Variants in SYNDIG1 observed in about 807,000 individuals in gnomAD.
SYNDIG1 encodes the protein synapse differentiation inducing 1.
In SYNDIG1, 9 loss-of-function variants were observed where a neutral mutation model predicts 19.4. The ratio of observed to expected loss-of-function variants is 0.46; its 90% confidence interval spans 0.28 to 0.81. The LOEUF (loss-of-function observed/expected upper bound fraction) is 0.81, where lower values mean the gene tolerates loss of function less well. Among genes scored for constraint, SYNDIG1 ranks in the 30% least tolerant of loss-of-function variants. The pLI is 0.12. For synonymous variants in SYNDIG1, 141 were observed against 145.9 expected (o/e 0.97, Z 0.24); for missense variants, 311 against 343.3 (o/e 0.91, Z 0.74).
intron 3 of SYNDIG1, among the ~76,000 whole-genome samples, chr20:24,590,041 T>G (rs2058481397): frequency 6.6e-6 from 1 of 152,228 alleles, no homozygotes; most frequent in Non-Finnish European, 1.5e-5. Context: ...CCTTGCAATG[T>G]CAGCTTTACT....
intron 3 of SYNDIG1, among the ~76,000 whole-genome samples, chr20:24,599,173 G>T (rs1395253182): frequency 6.6e-6 from 1 of 152,106 alleles, no homozygotes; most frequent in Non-Finnish European, 1.5e-5. Flanking sequence ...TAAAAAGTGG[G>T]CAAAGGATTT....
intron 3 of SYNDIG1, among the ~76,000 whole-genome samples, chr20:24,641,116 C>T (rs1367999218): frequency 1.3e-5 from 2 of 152,244 alleles, no homozygotes; most frequent in Non-Finnish European, 2.9e-5. Flanking sequence ...TTACTACAAT[C>T]CAAGAGTTAG....
chr20:24,558,089 C>T (rs571913681), intron 2 of SYNDIG1, among the ~76,000 whole-genome samples: 2 of 152,070 alleles, frequency 1.3e-5, no homozygotes, highest in East Asian at 3.9e-4. Flanking sequence ...AGGAAGCAAT[C>T]GTGATGAATG....
At chr20:24,535,777 T>C (rs1474895132) in intron 1 of SYNDIG1, among the ~76,000 whole-genome samples, 2 of 152,116 alleles carry the variant, frequency 1.3e-5, no homozygotes, top group East Asian at 3.9e-4. Flanking sequence ...TGCTGTGGGT[T>C]TTGTAGTCTT....
At chr20:24,663,592 G>A (rs1186443061) in intron 3 of SYNDIG1, among the ~76,000 whole-genome samples, 1 of 152,162 alleles carries the variant, frequency 6.6e-6, no homozygotes, top group Non-Finnish European at 1.5e-5. Flanking sequence ...GAGAGACATG[G>A]GCTCTGCCTT....
intron 3 of SYNDIG1, among the ~76,000 whole-genome samples, chr20:24,611,161 C>T (rs2058841549): frequency 6.6e-6 from 1 of 152,190 alleles, no homozygotes; most frequent in Non-Finnish European, 1.5e-5. Flanking sequence ...CCTAGCCCCA[C>T]CACATTCTCC....
chr20:24,606,154 T>C (rs2058754070), intron 3 of SYNDIG1, among the ~76,000 whole-genome samples: 1 of 152,252 alleles, frequency 6.6e-6, no homozygotes, highest in Non-Finnish European at 1.5e-5. Context: ...AATGTGCTGG[T>C]TGATCACAGA....
chr20:24,513,643 G>A (rs192076727), intron 1 of SYNDIG1, among the ~76,000 whole-genome samples: 3,161 of 152,284 alleles, frequency 0.021, 43 homozygotes, highest in Middle Eastern at 0.041. Context: ...CCAAATCTAC[G>A]TCTTATTGGT....
At chr20:24,483,863 A>T (rs2055873471) in intron 1 of SYNDIG1, among the ~76,000 whole-genome samples, 1 of 152,088 alleles carries the variant, frequency 6.6e-6, no homozygotes, top group Admixed American at 6.5e-5. Context: ...TGCAAGTGCA[A>T]GTGGCGATAC....
At chr20:24,523,387 A>T (rs962327183) in intron 1 of SYNDIG1, among the ~76,000 whole-genome samples, 8 of 152,208 alleles carry the variant, frequency 5.3e-5, no homozygotes, top group African/African-American at 1.9e-4. Context: ...CCACAACAAC[A>T]ATGATGTCAA....
chr20:24,479,304 G>C (rs1193799978), intron 1 of SYNDIG1, among the ~76,000 whole-genome samples: 1 of 152,084 alleles, frequency 6.6e-6, no homozygotes, highest in African/African-American at 2.4e-5. Flanking sequence ...CACCCTCCTT[G>C]GATTCCGCCT....
intron 3 of SYNDIG1, among the ~76,000 whole-genome samples, chr20:24,623,261 A>G (rs918137670): frequency 6.6e-6 from 1 of 152,146 alleles, no homozygotes; most frequent in African/African-American, 2.4e-5. Context: ...GAAACAAATA[A>G]AGAAAAAATA....
chr20:24,598,690 T>C (rs1222988053), intron 3 of SYNDIG1, among the ~76,000 whole-genome samples: 3 of 152,240 alleles, frequency 2.0e-5, no homozygotes, highest in Non-Finnish European at 4.4e-5. Flanking sequence ...AGTTTAACAG[T>C]GCTTGGTTTT....
intron 2 of SYNDIG1, among the ~76,000 whole-genome samples, chr20:24,577,372 A>C (rs2058246757): frequency 6.6e-6 from 1 of 152,244 alleles, no homozygotes; most frequent in Non-Finnish European, 1.5e-5. Context: ...AAAACCCCTG[A>C]GGGACCCAAG....
At position 24,590,177 on chromosome 20, in the gene SYNDIG1, C is replaced by T. The variant is rs554399683; in HGVS notation, c.618+5184C>T. On this transcript the variant is annotated intron_variant, in intron 3 of 3. Transcript: ENST00000376862. ...AGAGGATGGTGTCTTCTGATAAAGC[C>T]GCCAGTTGAGCCAGGGGGAGCCCTT... Among the ~76,000 whole-genome samples the T allele has an allele frequency of 9.2e-4, 140 of 152,120 alleles. 4 individuals carry two copies. The South Asian group carries it at 0.015, about 17-fold the overall frequency.
chr20:24,557,191 C>G (rs1391879872), intron 2 of SYNDIG1, among the ~76,000 whole-genome samples: 1 of 152,192 alleles, frequency 6.6e-6, no homozygotes, highest in Non-Finnish European at 1.5e-5. Context: ...ATTGGTTATT[C>G]TAGGTATCCA....
rs1236011868 is a variant in SYNDIG1, at chr20:24,500,510, CT to C, written c.-79+30760del. ...TCTTTCTTTCTTTCTTTCTTTCTTT[CT>C]TTCTTTCTTTCTTTCTTTCTTCTTT... On this transcript the variant is annotated intron_variant, in intron 1 of 3. Coordinates refer to ENST00000376862, the MANE Select transcript of SYNDIG1 (RefSeq NM_024893.3). Among the ~76,000 whole-genome samples the C allele has an allele frequency of 4.9e-4, 67 of 135,900 alleles. 1 individual carries two copies. The South Asian group carries it at 9.9e-3, about 20-fold the overall frequency. The allele number at this position is 135,900 out of a possible 152,430, so 89.2% of individuals were successfully genotyped here.
intron 1 of SYNDIG1, chr20:24,491,751 A>T (rs939389577): frequency 6.6e-6 from 1 of 152,244 alleles, no homozygotes; most frequent in African/African-American, 2.4e-5. Flanking sequence ...GGAGGAAATT[A>T]AAAGTATGGT....
chr20:24,608,811 A>G (rs1416177805), intron 3 of SYNDIG1, among the ~76,000 whole-genome samples: 2 of 152,214 alleles, frequency 1.3e-5, no homozygotes, highest in East Asian at 1.9e-4. Context: ...AATGATATTG[A>G]TAATATAAGC....
Sources: gnomAD v4.1 joint callset for allele counts (sites outside exome capture counted in the v4.1 genomes callset) on GRCh38, gnomAD v4.1.1 for gene constraint, MANE v1.5 for transcripts, NCBI Gene and HGNC (gene_info 2026-07-23, HGNC 2026-07-21) for gene names.